The following TEKT5 variants were observed in gnomAD, a reference collection of about 807,000 sequenced individuals.
TEKT5 encodes tektin 5, also known as tektin-5.
TEKT5 carries 52 observed loss-of-function variants against 48.7 expected under a neutral mutation model. The observed-to-expected ratio is 1.07, with a 90% CI of 0.86 to 1.35. The LOEUF is 1.35. Ranked by LOEUF, TEKT5 falls within the 40% of genes most tolerant of loss-of-function variation. TEKT5 has a pLI of 0.00. For synonymous variants in TEKT5, 318 were observed against 267.6 expected (o/e 1.19, Z -1.84); for missense variants, 831 against 641.6 (o/e 1.30, Z -3.19).
At chr16:10,661,681 G>A (rs369146741) in intron 5 of TEKT5, among the ~76,000 whole-genome samples, 153 of 152,250 alleles carry the variant, frequency 1.0e-3, no homozygotes, top group East Asian at 1.7e-3. Context: ...TGGAATGTGC[G>A]GAGTGAGGAG....
At chr16:10,663,386 T>C (rs570145553) in intron 5 of TEKT5, among the ~76,000 whole-genome samples, 4 of 152,316 alleles carry the variant, frequency 2.6e-5, no homozygotes, top group African/African-American at 7.2e-5. Flanking sequence ...TCTGGATGTT[T>C]TGTGCAACCT....
intron 5 of TEKT5, among the ~76,000 whole-genome samples, chr16:10,659,829 T>C (rs1232020541): frequency 6.6e-6 from 1 of 152,134 alleles, no homozygotes; most frequent in Non-Finnish European, 1.5e-5. Flanking sequence ...TAGATTTCAG[T>C]GGGCACAGGG....
At chr16:10,647,768 C>T (rs1279840772) in intron 5 of TEKT5, among the ~76,000 whole-genome samples, 2 of 152,228 alleles carry the variant, frequency 1.3e-5, no homozygotes, top group East Asian at 1.9e-4. Flanking sequence ...CATTCATAAG[C>T]TCAATCTTTT....
At chr16:10,637,074 G>C (rs2719676) in intron 5 of TEKT5, among the ~76,000 whole-genome samples, 52,041 of 150,072 alleles carry the variant, frequency 0.35, 11,201 homozygotes, top group African/African-American at 0.61. Context: ...CTCCGCCTCC[G>C]GGGTTCACGC....
intron 6 of TEKT5, among the ~76,000 whole-genome samples, chr16:10,630,183 C>T (rs1337091649): frequency 6.6e-6 from 1 of 152,146 alleles, no homozygotes; most frequent in African/African-American, 2.4e-5. Flanking sequence ...ATCTGCACAA[C>T]TCAGCCTCCC....
chr16:10,652,646 C>A (rs1898181361), intron 5 of TEKT5, among the ~76,000 whole-genome samples: 1 of 64,144 alleles, frequency 1.6e-5, no homozygotes, highest in Non-Finnish European at 2.6e-5. Context: ...ACACACCCTC[C>A]AGGCCAAGTA....
intron 5 of TEKT5, among the ~76,000 whole-genome samples, chr16:10,642,279 C>T (rs1172982055): frequency 6.6e-6 from 1 of 152,202 alleles, no homozygotes; most frequent in African/African-American, 2.4e-5. Context: ...AGCAACCAAC[C>T]TAGAGCCCAT....
chr16:10,631,962 G>C (rs1205164534), intron 6 of TEKT5, among the ~76,000 whole-genome samples: 1 of 152,226 alleles, frequency 6.6e-6, no homozygotes, highest in East Asian at 1.9e-4. Context: ...ATGCGGCAAG[G>C]TGAGCTGTGA....
intron 5 of TEKT5, among the ~76,000 whole-genome samples, chr16:10,654,374 T>G (rs770903480): frequency 1.2e-4 from 18 of 152,156 alleles, no homozygotes; most frequent in African/African-American, 7.2e-5. Context: ...ATATGTCAAT[T>G]TGACTGGCTT....
intron 3 of TEKT5, among the ~76,000 whole-genome samples, chr16:10,683,229 A>G (rs1898788483): frequency 1.3e-5 from 1 of 79,438 alleles, no homozygotes; most frequent in Non-Finnish European, 2.4e-5. Flanking sequence ...ACGTGCCAAC[A>G]CAGAGAAGCT....
chr16:10,688,284 T>A (rs1111494), intron 3 of TEKT5, among the ~76,000 whole-genome samples: 229 of 152,340 alleles, frequency 1.5e-3, no homozygotes, highest in African/African-American at 5.4e-3. Context: ...GACCAAGCTC[T>A]TTGCTCTATG....
At chr16:10,643,514 G>A (rs1262678419) in intron 5 of TEKT5, among the ~76,000 whole-genome samples, 2 of 152,308 alleles carry the variant, frequency 1.3e-5, no homozygotes, top group East Asian at 3.8e-4. Flanking sequence ...AGCCTGTGCT[G>A]TCCAACATGA....
intron 5 of TEKT5, among the ~76,000 whole-genome samples, chr16:10,654,014 GCATGTGTGTGTGTGTGCA>G (rs369366634): frequency 0.016 from 2,233 of 140,474 alleles, 53 homozygotes; most frequent in African/African-American, 0.065. Context: ...GTGTGTGTGT[GCATGTGTGTGTGTGTGCA>G]CATGTGTGTG....
At chr16:10,685,060 T>C (rs1212857168) in intron 3 of TEKT5, among the ~76,000 whole-genome samples, 1 of 152,182 alleles carries the variant, frequency 6.6e-6, no homozygotes, top group African/African-American at 2.4e-5. Context: ...CCAATCCCTC[T>C]GGCAGCACAA....
At chr16:10,682,783 C>G (rs1898780827) in intron 3 of TEKT5, among the ~76,000 whole-genome samples, 1 of 152,234 alleles carries the variant, frequency 6.6e-6, no homozygotes, top group Admixed American at 6.5e-5. Flanking sequence ...GGCTTCATCT[C>G]AATAAAACTT....
chr16:10,688,442 C>G (rs951429411), intron 3 of TEKT5, among the ~76,000 whole-genome samples: 5 of 152,222 alleles, frequency 3.3e-5, no homozygotes, highest in African/African-American at 1.2e-4. Flanking sequence ...GCCCGCCCCC[C>G]CTGCATCCAC....
Position 10,677,612 on chromosome 16 carries a change from C to A in TEKT5, c.864-1431G>T, listed in dbSNP as rs1243280015. Among the ~76,000 whole-genome samples, 5 of 144,922 alleles carry A rather than the reference C, an allele frequency of 3.5e-5. 1 individual carries two copies. In the East Asian group the frequency reaches 8.3e-4, roughly 24 times the overall value. ...CAACAGAGTAAGACCCTGTCCCCCC[C>A]AACAAAAAAATAAAAAGAAAATGCA... On this transcript the variant is annotated intron_variant, in intron 4 of 6. Transcript: ENST00000283025.
chr16:10,652,894 C>G lies in TEKT5; in HGVS notation c.1087-16976G>C, dbSNP rs1284368790. ...ACCCTCCAGGTCAGGTAGAGCGATCCCTTATATACACAGGCAGAGACACAC... is the reference window on the plus strand; with the variant it reads ...ACCCTCCAGGTCAGGTAGAGCGATCGCTTATATACACAGGCAGAGACACAC... On this transcript the variant is annotated intron_variant, in intron 5 of 6. Coordinates refer to ENST00000283025, the MANE Select transcript of TEKT5 (RefSeq NM_144674.2). Among the ~76,000 whole-genome samples the G allele has an allele frequency of 4.3e-5, 4 of 93,106 alleles. No homozygotes were observed. The East Asian group carries it at 1.4e-3, about 33-fold the overall frequency. 61.1% of individuals were successfully genotyped at this position (93,106 alleles called of 152,430 possible).
At chr16:10,643,821 T>G (rs1051726895) in intron 5 of TEKT5, among the ~76,000 whole-genome samples, 3 of 152,134 alleles carry the variant, frequency 2.0e-5, no homozygotes, top group Non-Finnish European at 4.4e-5. Context: ...GTGGATCACC[T>G]GAGGTCAGAA....
Sources: gnomAD v4.1 joint callset for allele counts (sites outside exome capture counted in the v4.1 genomes callset) on GRCh38, gnomAD v4.1.1 for gene constraint, MANE v1.5 for transcripts, NCBI Gene and HGNC (gene_info 2026-07-23, HGNC 2026-07-21) for gene names.